The following PRKN variants were observed in gnomAD, a reference collection of about 807,000 sequenced individuals.
PRKN encodes the protein E3 ubiquitin-protein ligase parkin.
Under a neutral mutation model 59.5 loss-of-function variants are expected in PRKN, and 56 were observed. The observed-to-expected ratio is 0.94, with a 90% CI of 0.76 to 1.18. PRKN has a LOEUF of 1.18. Ranked by LOEUF, PRKN falls within the 50% of genes most tolerant of loss-of-function variation. PRKN has a pLI of 0.00. For missense variants in PRKN, 657 were observed against 596.4 expected, an observed-to-expected ratio of 1.10 and a Z score of -1.06; for synonymous variants, 250 against 222.1, an observed-to-expected ratio of 1.13 and a Z score of -1.12.
chr6:162,617,634 C>G (rs1476960640), intron 1 of PRKN, among the ~76,000 whole-genome samples: 2 of 152,186 alleles, frequency 1.3e-5, no homozygotes, highest in Non-Finnish European at 2.9e-5. Context: ...CTATTTCCTT[C>G]CACTCCAGCC....
chr6:162,062,728 T>C (rs1778149411), intron 4 of PRKN, among the ~76,000 whole-genome samples: 1 of 152,178 alleles, frequency 6.6e-6, no homozygotes, highest in Admixed American at 6.5e-5. Flanking sequence ...TTCTATTGTT[T>C]ACGCTTTCCA....
chr6:162,380,681 G>A (rs2128140688), intron 2 of PRKN, among the ~76,000 whole-genome samples: 2 of 151,546 alleles, frequency 1.3e-5, no homozygotes, highest in South Asian at 4.2e-4. Flanking sequence ...CTAGATATAA[G>A]CCTTGAGAAA....
chr6:162,657,577 T>C (rs1184644331), intron 1 of PRKN, among the ~76,000 whole-genome samples: 4 of 152,188 alleles, frequency 2.6e-5, no homozygotes, highest in Non-Finnish European at 1.5e-5. Flanking sequence ...TCTGCTAAAG[T>C]AGCACCCTGG....
At chr6:161,693,310 T>C (rs1785881149) in intron 7 of PRKN, among the ~76,000 whole-genome samples, 1 of 152,188 alleles carries the variant, frequency 6.6e-6, no homozygotes, top group Admixed American at 6.5e-5. Flanking sequence ...TGTATTTTTT[T>C]CCCTCCATTC....
In PRKN at chr6:161,980,785, T is replaced by C. The variant is rs111342275; in HGVS notation, c.619-7368A>G. On this transcript the variant is annotated intron_variant, in intron 5 of 11. Coordinates refer to ENST00000366898, the MANE Select transcript of PRKN (RefSeq NM_004562.3). ...AGAGCAGAGAGGGGGAAAAGGTGGC[T>C]TGGGTCTGAAAGCCACCAGCAGATG... is the stretch of plus-strand genomic sequence containing the variant. Among the ~76,000 whole-genome samples, 1,499 of 152,264 alleles carry C rather than the reference T, an allele frequency of 9.8e-3. 24 individuals are homozygous for C. The highest frequency in any genetic ancestry group is 0.033 in the African/African-American group (1,375 of 41,548).
At chr6:162,213,989 C>G (rs1777526372) in intron 3 of PRKN, among the ~76,000 whole-genome samples, 1 of 151,926 alleles carries the variant, frequency 6.6e-6, no homozygotes, top group African/African-American at 2.4e-5. Flanking sequence ...CCTTAGGAGG[C>G]CAGAAGGCAG....
intron 4 of PRKN, among the ~76,000 whole-genome samples, chr6:162,187,331 G>T (rs563625534): frequency 6.6e-6 from 1 of 152,164 alleles, no homozygotes; most frequent in Non-Finnish European, 1.5e-5. Flanking sequence ...GATAAAGTTT[G>T]CTTTTCACAC....
At chr6:162,224,135 G>C (rs1393330439) in intron 3 of PRKN, among the ~76,000 whole-genome samples, 1 of 151,788 alleles carries the variant, frequency 6.6e-6, no homozygotes, top group Non-Finnish European at 1.5e-5. Flanking sequence ...ATTTGACTTA[G>C]TAGGGTTTAA....
intron 7 of PRKN, among the ~76,000 whole-genome samples, chr6:161,656,288 C>T (rs1337436799): frequency 6.6e-6 from 1 of 152,228 alleles, no homozygotes; most frequent in Non-Finnish European, 1.5e-5. Flanking sequence ...CCTGACTGCT[C>T]TGCCATCCAT....
intron 2 of PRKN, among the ~76,000 whole-genome samples, chr6:162,356,126 T>C (rs1033370): frequency 0.018 from 2,729 of 152,244 alleles, 33 homozygotes; most frequent in Non-Finnish European, 0.026. Flanking sequence ...TGACCTTTAT[T>C]ATCTCCCTTA....
chr6:162,584,260 A>C (rs963446339), intron 1 of PRKN, among the ~76,000 whole-genome samples: 1 of 150,696 alleles, frequency 6.6e-6, no homozygotes, highest in South Asian at 2.1e-4. Flanking sequence ...AAAAAAAAAA[A>C]CACTGACTAT....
chr6:162,493,610 G>T (rs58622994), intron 1 of PRKN, among the ~76,000 whole-genome samples: 1 of 152,220 alleles, frequency 6.6e-6, no homozygotes, highest in African/African-American at 2.4e-5. Flanking sequence ...CAAGAAATAT[G>T]AGCAGTGAAG....
chr6:161,949,433 C>T (rs2128245495), intron 6 of PRKN, among the ~76,000 whole-genome samples: 1 of 152,240 alleles, frequency 6.6e-6, no homozygotes, highest in South Asian at 2.1e-4. Flanking sequence ...ATCCCTTGAA[C>T]CCAGGAGGTG....
chr6:161,721,598 T>A (rs1040445228), intron 7 of PRKN, among the ~76,000 whole-genome samples: 6 of 152,186 alleles, frequency 3.9e-5, no homozygotes, highest in African/African-American at 1.2e-4. Flanking sequence ...TGCAGTCCCA[T>A]CACACCAGAA....
At chr6:161,747,378 A>G (rs1179158104) in intron 7 of PRKN, among the ~76,000 whole-genome samples, 1 of 151,162 alleles carries the variant, frequency 6.6e-6, no homozygotes, top group Non-Finnish European at 1.5e-5. Flanking sequence ...AACCAAGGTA[A>G]TGGAAGTGAT....
In PRKN at chr6:161,977,551, T is replaced by TTG. The variant is rs1380172461; in HGVS notation, c.619-4135_619-4134insCA. On this transcript the variant is annotated intron_variant, in intron 5 of 11. Transcript: ENST00000366898. The stretch of plus-strand genomic sequence containing the variant: ...ACTTTCTGTTTTTTTGGTTTTTTTT[T>TTG]TTTTTTTTTTTTTTAAGACAGAGTC... Among the ~76,000 whole-genome samples the TTG allele has an allele frequency of 1.2e-4, 17 of 143,774 alleles. 1 individual carries two copies. Among genetic ancestry groups the TTG allele is most frequent in the African/African-American group, 3.8e-4 (15 of 39,030 alleles). 94.3% of individuals were successfully genotyped at this position (143,774 alleles called of 152,430 possible).
At chr6:162,650,346 C>T (rs1469071408) in intron 1 of PRKN, among the ~76,000 whole-genome samples, 2 of 151,966 alleles carry the variant, frequency 1.3e-5, no homozygotes, top group Non-Finnish European at 2.9e-5. Flanking sequence ...GCCTGTAATC[C>T]CAGCACTTTG....
chr6:161,618,148 C>A (rs1232069464), intron 7 of PRKN, among the ~76,000 whole-genome samples: 1 of 152,180 alleles, frequency 6.6e-6, no homozygotes, highest in Non-Finnish European at 1.5e-5. Flanking sequence ...TAGCAAACTG[C>A]AACATATATT....
At chr6:161,512,796 AC>A (rs1778444202) in intron 9 of PRKN, among the ~76,000 whole-genome samples, 1 of 152,224 alleles carries the variant, frequency 6.6e-6, no homozygotes, top group African/African-American at 2.4e-5. Context: ...CCTGGTGCAC[AC>A]AGCTATGGGG....
Sources: gnomAD v4.1 joint callset for allele counts (sites outside exome capture counted in the v4.1 genomes callset) on GRCh38, gnomAD v4.1.1 for gene constraint, MANE v1.5 for transcripts, NCBI Gene and HGNC (gene_info 2026-07-23, HGNC 2026-07-21) for gene names.